The following ZZZ3 variants were observed in gnomAD, a reference collection of about 807,000 sequenced individuals.
ZZZ3 encodes ZZ-type zinc finger-containing protein 3.
Under a neutral mutation model 95.2 loss-of-function variants are expected in ZZZ3, and 22 were observed. That is an observed-to-expected ratio of 0.23 (90% CI 0.17 to 0.33). ZZZ3 has a LOEUF of 0.33. ZZZ3 is among the 10% of genes least tolerant of loss of function. The pLI, the probability that ZZZ3 is intolerant of heterozygous loss-of-function variation, is 1.00. For synonymous variants in ZZZ3, 335 were observed against 358.9 expected, an observed-to-expected ratio of 0.93 and a Z score of 0.75; for missense variants, 885 against 1,066.5, an observed-to-expected ratio of 0.83 and a Z score of 2.37.
intron 5 of ZZZ3, among the ~76,000 whole-genome samples, chr1:77,618,632 C>T (rs889859301): frequency 1.3e-5 from 2 of 152,092 alleles, no homozygotes; most frequent in African/African-American, 2.4e-5. Flanking sequence ...AGATTGTTTG[C>T]TATCATTTAT....
chr1:77,616,277 T>C (rs1666305395), intron 5 of ZZZ3, among the ~76,000 whole-genome samples: 1 of 152,194 alleles, frequency 6.6e-6, no homozygotes, highest in South Asian at 2.1e-4. Context: ...GTGCTCTTCT[T>C]AGGAACACCT....
At chr1:77,596,095 G>C (rs945647716) in intron 5 of ZZZ3, among the ~76,000 whole-genome samples, 5 of 151,986 alleles carry the variant, frequency 3.3e-5, no homozygotes, top group Non-Finnish European at 5.9e-5. Flanking sequence ...GAATTCCCTA[G>C]AACTAGATAA....
intron 1 of ZZZ3, among the ~76,000 whole-genome samples, chr1:77,663,104 CA>C (rs953314466): frequency 6.7e-5 from 9 of 134,496 alleles, no homozygotes; most frequent in South Asian, 2.3e-4. Flanking sequence ...GACCCGGTCT[CA>C]AAAAAAAAAT....
chr1:77,577,070 C>T (rs1182215686), intron 11 of ZZZ3, among the ~76,000 whole-genome samples: 1 of 152,236 alleles, frequency 6.6e-6, no homozygotes, highest in East Asian at 1.9e-4. Flanking sequence ...CAAATTCTCA[C>T]TTTCCACCAC....
chr1:77,625,220 T>C (rs1182118015), intron 5 of ZZZ3, among the ~76,000 whole-genome samples: 1 of 152,206 alleles, frequency 6.6e-6, no homozygotes, highest in Non-Finnish European at 1.5e-5. Flanking sequence ...TTACCATATA[T>C]ATAAGGAAAT....
rs1671774589 is a variant in ZZZ3 at position 77,671,413 on chromosome 1, G to A, written c.-403+11172C>T. On this transcript the variant is annotated intron_variant, in intron 1 of 14. Transcript: ENST00000370801. ...AATGTGATACCAAAAAAATTCATTAGAATATAATCTATGGCACTGAAACAA... is the reference window on the plus strand; with the variant it reads ...AATGTGATACCAAAAAAATTCATTAAAATATAATCTATGGCACTGAAACAA... 5.9e-5 allele frequency among the ~76,000 whole-genome samples: 9 copies of A among 152,208 alleles called. No homozygotes were observed. The South Asian group carries it at 1.9e-3, about 32-fold the overall frequency.
intron 5 of ZZZ3, among the ~76,000 whole-genome samples, chr1:77,615,493 C>T (rs1266206581): frequency 6.6e-6 from 1 of 152,074 alleles, no homozygotes; most frequent in Non-Finnish European, 1.5e-5. Flanking sequence ...CTATATGGTG[C>T]GTATGCAAAA....
intron 1 of ZZZ3, among the ~76,000 whole-genome samples, chr1:77,677,724 T>C (rs278848): frequency 0.42 from 63,715 of 152,034 alleles, 15,567 homozygotes; most frequent in African/African-American, 0.68. Context: ...TTTACAATCA[T>C]TTATAATGAT....
intron 5 of ZZZ3, among the ~76,000 whole-genome samples, chr1:77,588,651 C>A (rs1433242640): frequency 6.6e-6 from 1 of 151,942 alleles, no homozygotes; most frequent in Non-Finnish European, 1.5e-5. Context: ...CTCTTTAATT[C>A]CAATAAATAT....
At position 77,596,050 on chromosome 1, in the gene ZZZ3, A is replaced by G. The variant is rs544432780; in HGVS notation, c.1506-11395T>C. ...ATACCAAGTAAAGAATTTCTGTTAT[A>G]ACAAACAATGGTATGTGCTACTTCA... is the stretch of plus-strand genomic sequence containing the variant. On this transcript the variant is annotated intron_variant, in intron 5 of 14. Transcript: ENST00000370801. Among the ~76,000 whole-genome samples, 4 of 152,214 alleles carry G rather than the reference A, an allele frequency of 2.6e-5. No individual in the cohort carries two copies. In the East Asian group the frequency reaches 7.7e-4, roughly 29 times the overall value.
intron 1 of ZZZ3, among the ~76,000 whole-genome samples, chr1:77,656,923 C>T (rs1379211922): frequency 6.6e-6 from 1 of 152,190 alleles, no homozygotes; most frequent in African/African-American, 2.4e-5. Context: ...TTTCAACAGC[C>T]TAACAACACA....
chr1:77,682,913 A>G (rs1672928803), upstream of ZZZ3, among the ~76,000 whole-genome samples: 1 of 152,188 alleles, frequency 6.6e-6, no homozygotes, highest in African/African-American at 2.4e-5. Context: ...TACTACATAA[A>G]CAGAGCGCAG....
chr1:77,612,872 T>C (rs1665948660), intron 5 of ZZZ3, among the ~76,000 whole-genome samples: 2 of 152,012 alleles, frequency 1.3e-5, no homozygotes, highest in South Asian at 4.1e-4. Context: ...AGAGAGCTAA[T>C]ATACAGCATG....
intron 5 of ZZZ3, among the ~76,000 whole-genome samples, chr1:77,605,053 A>C (rs1395815922): frequency 6.6e-6 from 1 of 152,194 alleles, no homozygotes; most frequent in South Asian, 2.1e-4. Context: ...TACCCAAAAA[A>C]ACAGAACCTT....
At chr1:77,623,813 A>C (rs1213635775) in intron 5 of ZZZ3, among the ~76,000 whole-genome samples, 1 of 152,212 alleles carries the variant, frequency 6.6e-6, no homozygotes, top group African/African-American at 2.4e-5. Context: ...CTCTGGCCAC[A>C]TTCAGATTTT....
At chr1:77,599,659 T>TA (rs1218849384) in intron 5 of ZZZ3, among the ~76,000 whole-genome samples, 1 of 151,998 alleles carries the variant, frequency 6.6e-6, no homozygotes, top group African/African-American at 2.4e-5. Flanking sequence ...GCAGAACGAG[T>TA]AAAAAAATTA....
chr1:77,636,303 G>A (rs549460502), intron 4 of ZZZ3, among the ~76,000 whole-genome samples: 12 of 152,222 alleles, frequency 7.9e-5, no homozygotes, highest in South Asian at 6.2e-4. Flanking sequence ...ATCTGAATGG[G>A]AGCAAAATTT....
In ZZZ3 at chr1:77,658,556, G is replaced by T. The variant is rs184481401; in HGVS notation, c.-402-16901C>A. Among the ~76,000 whole-genome samples, 595 of 147,800 alleles carry T rather than the reference G, an allele frequency of 4.0e-3. 1 individual carries two copies. Among genetic ancestry groups the T allele is most frequent in the Middle Eastern group, 0.014 (4 of 286 alleles). ...TCTTCTTCTTTTTAGTAGAGACAAG[G>T]TCTCCCTATGTTGCCCAGGCTGATC... On this transcript the variant is annotated intron_variant, in intron 1 of 14. Transcript: ENST00000370801.
chr1:77,645,264 A>G (rs1260302119), intron 1 of ZZZ3: 1 of 152,192 alleles, frequency 6.6e-6, no homozygotes, highest in Non-Finnish European at 1.5e-5. Flanking sequence ...ATTAAAAGAA[A>G]TAAAACTTCA....
Sources: allele counts gnomAD v4.1 joint callset (sites outside exome capture counted in the v4.1 genomes callset), GRCh38; gene constraint gnomAD v4.1.1; transcripts MANE v1.5; gene names NCBI Gene and HGNC (gene_info 2026-07-23, HGNC 2026-07-21).